The following HSDL1 variants were observed in gnomAD, a reference collection of about 807,000 sequenced individuals.
The protein encoded by HSDL1 is hydroxysteroid dehydrogenase like 1.
A neutral mutation model predicts 31.5 loss-of-function variants in HSDL1; 29 were observed. The ratio of observed to expected loss-of-function variants is 0.92; its 90% CI spans 0.69 to 1.26. HSDL1 has a LOEUF of 1.26. Ranked by LOEUF, HSDL1 falls within the 50% of genes most tolerant of loss-of-function variation. The pLI, the probability that HSDL1 is intolerant of heterozygous loss-of-function variation, is 0.00. For missense variants in HSDL1, 503 were observed against 416.6 expected (o/e 1.21, Z -1.81); for synonymous variants, 222 against 155.2 (o/e 1.43, Z -3.20).
chr16:84,137,535 T>C (rs1483594381), intron 1 of HSDL1, among the ~76,000 whole-genome samples: 1 of 152,158 alleles, frequency 6.6e-6, no homozygotes, highest in African/African-American at 2.4e-5. Flanking sequence ...TCCTGAGCCC[T>C]GGTTACTCAG....
chr16:84,124,507 G>C lies in HSDL1; in HGVS notation c.*123C>G. ...GTATTATGTGTGTTTTGCAAATGACGAATCAACAGTATGCTGAATAATCAG... is the reference window on the plus strand; with the variant it reads ...GTATTATGTGTGTTTTGCAAATGACCAATCAACAGTATGCTGAATAATCAG... On this transcript the variant is annotated 3_prime_UTR_variant, in exon 6 of 6. Transcript: ENST00000219439. 1.5e-6 allele frequency: 1 copy of C among 674,488 alleles called. No homozygotes were observed. Among genetic ancestry groups the C allele is most frequent in the African/African-American group, 1.8e-5 (1 of 55,816 alleles). 41.8% of individuals were successfully genotyped at this position (674,488 alleles called of 1,614,324 possible).
intron 5 of HSDL1, among the ~76,000 whole-genome samples, chr16:84,126,121 A>C (rs906252590): frequency 6.7e-6 from 1 of 149,172 alleles, no homozygotes; most frequent in African/African-American, 2.5e-5. Context: ...AAAAAAAAAC[A>C]CCACAAAATC....
chr16:84,134,999 C>T (rs916570109), intron 2 of HSDL1, among the ~76,000 whole-genome samples: 6 of 152,056 alleles, frequency 3.9e-5, no homozygotes, highest in Admixed American at 6.6e-5. Context: ...TTTGGGAGGC[C>T]GAGACGGGCG....
At chr16:84,141,370 G>A (rs2086767930) in intron 1 of HSDL1, among the ~76,000 whole-genome samples, 1 of 151,752 alleles carries the variant, frequency 6.6e-6, no homozygotes, top group Non-Finnish European at 1.5e-5. Flanking sequence ...ACGATTCACA[G>A]GTCCCCCTGC....
chr16:84,134,120 C>G (rs955554680), intron 2 of HSDL1, among the ~76,000 whole-genome samples: 4 of 152,096 alleles, frequency 2.6e-5, no homozygotes, highest in South Asian at 2.1e-4. Flanking sequence ...TAGGGCCCCC[C>G]CTTCAGTGTA....
chr16:84,143,410 G>C (rs566447483), intron 1 of HSDL1, among the ~76,000 whole-genome samples: 2 of 152,284 alleles, frequency 1.3e-5, no homozygotes, highest in African/African-American at 4.8e-5. Flanking sequence ...CAAATCCATA[G>C]AGACAGAAGA....
intron 1 of HSDL1, among the ~76,000 whole-genome samples, chr16:84,137,191 G>A (rs1389948929): frequency 6.6e-6 from 1 of 152,236 alleles, no homozygotes; most frequent in Non-Finnish European, 1.5e-5. Flanking sequence ...GGGCGCCACT[G>A]GGGTGAAATG....
Position 84,130,206 on chromosome 16 carries a change from A to G in HSDL1, c.446T>C (p.Val149Ala), listed in dbSNP as rs1298307485. 1.9e-6 allele frequency: 3 copies of G among 1,614,088 alleles called. No individual in the cohort carries two copies. Among genetic ancestry groups the G allele is most frequent in the Non-Finnish European group, 2.5e-6 (3 of 1,180,058 alleles). The change falls in exon 4 of 6, where the codon GTA becomes GCA. Residue 149 changes from valine to alanine, a missense_variant. By Grantham distance (64) the Val-to-Ala change is moderately conservative (BLOSUM62 0). Coordinates refer to ENST00000219439, the MANE Select transcript of HSDL1 (RefSeq NM_031463.5). ...ALKDKDVGIL[V>A]NNVGVFYPYP... ...GGGATAAAACACACCCACGTTATTT[A>G]CCAAGATGCCAACGTCTTTGTCCTT... is the stretch of plus-strand genomic sequence containing the variant.
intron 1 of HSDL1, chr16:84,139,238 G>A (rs2086742461): frequency 6.6e-6 from 1 of 152,250 alleles, no homozygotes; most frequent in South Asian, 2.1e-4. Flanking sequence ...GTGGCCAAAG[G>A]GACTCCGTAG....
At chr16:84,140,747 T>A (rs2086758352) in intron 1 of HSDL1, among the ~76,000 whole-genome samples, 1 of 152,102 alleles carries the variant, frequency 6.6e-6, no homozygotes, top group East Asian at 1.9e-4. Context: ...AATTCTGGGG[T>A]AGTCACTCCC....
intron 1 of HSDL1, among the ~76,000 whole-genome samples, chr16:84,143,061 A>C (rs2086782857): frequency 1.3e-5 from 2 of 152,250 alleles, no homozygotes; most frequent in African/African-American, 4.8e-5. Flanking sequence ...GTATTTATGC[A>C]GTAAGAATTA....
chr16:84,128,319 A>G (rs192228604), intron 5 of HSDL1, among the ~76,000 whole-genome samples: 1 of 152,102 alleles, frequency 6.6e-6, no homozygotes, highest in Admixed American at 6.5e-5. Context: ...ACTAGGGCAC[A>G]TCTCTTTACT....
At chr16:84,131,378 A>C in intron 2 of HSDL1, 51 bp from the exon 3 acceptor site, 1 of 1,278,838 alleles carries the variant, frequency 7.8e-7, no homozygotes, top group Non-Finnish European at 1.1e-6. Context: ...AAATTAAAGG[A>C]ACATACACAG....
chr16:84,129,452 C>A (rs1597373312), intron 5 of HSDL1, 96 bp downstream of exon 5: 1 of 888,780 alleles, frequency 1.1e-6, no homozygotes, highest in East Asian at 2.5e-5. Context: ...TCAGAATTTA[C>A]AATTCTCATC....
chr16:84,136,999 C>T (rs1277083520), intron 1 of HSDL1, among the ~76,000 whole-genome samples: 3 of 145,876 alleles, frequency 2.1e-5, no homozygotes, highest in South Asian at 2.2e-4. Flanking sequence ...TAAACACACA[C>T]GGTCACTGGT....
intron 1 of HSDL1, among the ~76,000 whole-genome samples, chr16:84,136,573 G>C (rs2086714529): frequency 6.6e-6 from 1 of 152,218 alleles, no homozygotes. Flanking sequence ...AGAAAAGCTT[G>C]TGTGCTAAAC....
intron 1 of HSDL1, among the ~76,000 whole-genome samples, chr16:84,138,561 A>G (rs868131625): frequency 3.3e-5 from 5 of 152,208 alleles, no homozygotes; most frequent in Non-Finnish European, 7.3e-5. Context: ...CATATATCAA[A>G]TCATGTTGTA....
Position 84,124,457 on chromosome 16 carries a change from T to A in HSDL1, c.*173A>T. ...TGATCCTGTGCCATCCACACACCCT[T>A]AAGGTTTTTCACAGCACTCTGACGG... On this transcript the variant is annotated 3_prime_UTR_variant, in exon 6 of 6. Coordinates refer to ENST00000219439, the MANE Select transcript of HSDL1 (RefSeq NM_031463.5). The A allele has an allele frequency of 1.8e-6, 1 of 554,216 alleles. No individual in the cohort carries two copies. Among genetic ancestry groups the A allele is most frequent in the Non-Finnish European group, 3.3e-6 (1 of 298,696 alleles). The allele number at this position is 554,216 out of a possible 1,614,324, so 34.3% of individuals were successfully genotyped here.
At chr16:84,127,138 T>C (rs928560855) in intron 5 of HSDL1, among the ~76,000 whole-genome samples, 1 of 152,098 alleles carries the variant, frequency 6.6e-6, no homozygotes, top group African/African-American at 2.4e-5. Context: ...TAAGACTACT[T>C]TTTAGGTTTC....
Sources: allele counts gnomAD v4.1 joint callset (sites outside exome capture counted in the v4.1 genomes callset), GRCh38; gene constraint gnomAD v4.1.1; transcripts MANE v1.5; gene names NCBI Gene and HGNC (gene_info 2026-07-23, HGNC 2026-07-21).